Variants in CTNNA2 observed in about 807,000 individuals in gnomAD.
CTNNA2 encodes the protein catenin alpha 2, also known as catenin alpha-2.
A neutral mutation model predicts 101.0 loss-of-function variants in CTNNA2; 42 were observed. The ratio of observed to expected loss-of-function variants is 0.42; its 90% confidence interval spans 0.32 to 0.54. The LOEUF (loss-of-function observed/expected upper bound fraction) is 0.54, where lower values mean the gene tolerates loss of function less well. CTNNA2 is among the 20% of genes least tolerant of loss of function. CTNNA2 has a pLI of 0.14. For synonymous variants in CTNNA2, 450 were observed against 456.4 expected, an observed-to-expected ratio of 0.99 and a Z score of 0.18; for missense variants, 871 against 1,223.1, an observed-to-expected ratio of 0.71 and a Z score of 4.29.
intron 7 of CTNNA2, among the ~76,000 whole-genome samples, chr2:80,157,010 C>T (rs1249933043): frequency 1.3e-5 from 2 of 152,180 alleles, no homozygotes; most frequent in Non-Finnish European, 2.9e-5. Flanking sequence ...GACTTTCTGT[C>T]CCTATTTCTG....
At chr2:79,566,639 G>A (rs1353308888) in intron 1 of CTNNA2, among the ~76,000 whole-genome samples, 1 of 151,988 alleles carries the variant, frequency 6.6e-6, no homozygotes, top group Non-Finnish European at 1.5e-5. Context: ...AGATAATTAT[G>A]ATTATTTGAG....
At chr2:80,094,234 TTTTCCCAGCACC>T (rs1699992274) in intron 7 of CTNNA2, among the ~76,000 whole-genome samples, 1 of 152,076 alleles carries the variant, frequency 6.6e-6, no homozygotes, top group African/African-American at 2.4e-5. Flanking sequence ...GGCTAGCCAG[TTTTCCCAGCACC>T]ATTTATTAAA....
rs148381767 is a variant in CTNNA2, at chr2:79,282,395, T to C, written c.-405-30314T>C. ...TAGCATTAGGTATATCTCCCAGTGCTATCCCTCCCCGCTCCCCCCACCCTA... is the reference window on the plus strand; with the variant it reads ...TAGCATTAGGTATATCTCCCAGTGCCATCCCTCCCCGCTCCCCCCACCCTA... On this transcript the variant is annotated intron_variant, in intron 2 of 21. Coordinates refer to the CTNNA2 transcript ENST00000466387. 5.6e-3 allele frequency among the ~76,000 whole-genome samples: 853 copies of C among 152,262 alleles called. 12 individuals carry two copies. The highest frequency in any genetic ancestry group is 0.019 in the African/African-American group (789 of 41,548).
intron 1 of CTNNA2, chr2:79,195,839 C>G (rs1434199): frequency 0.54 from 277,022 of 510,136 alleles, 79,258 homozygotes; most frequent in African/African-American, 0.86. Context: ...ACATATCACT[C>G]AATGAAAGTT....
intron 1 of CTNNA2, among the ~76,000 whole-genome samples, chr2:79,516,348 A>G (rs1671808035): frequency 6.6e-6 from 1 of 152,210 alleles, no homozygotes. Context: ...TAAGTACTAG[A>G]GGAATTGGGA....
intron 8 of CTNNA2, among the ~76,000 whole-genome samples, chr2:80,396,610 T>C (rs1031340779): frequency 6.6e-6 from 1 of 152,234 alleles, no homozygotes; most frequent in Non-Finnish European, 1.5e-5. Flanking sequence ...CTATGAACTA[T>C]TCTAGGTATG....
intron 1 of CTNNA2, among the ~76,000 whole-genome samples, chr2:79,627,941 A>G (rs2104335385): frequency 6.6e-6 from 1 of 152,332 alleles, no homozygotes; most frequent in Non-Finnish European, 1.5e-5. Context: ...GTGCCAGCTC[A>G]TAAGTGTTGT....
At chr2:79,562,698 AGAAAT>A (rs1674854490) in intron 1 of CTNNA2, among the ~76,000 whole-genome samples, 1 of 152,142 alleles carries the variant, frequency 6.6e-6, no homozygotes, top group African/African-American at 2.4e-5. Flanking sequence ...TAGCATGAAA[AGAAAT>A]GCTTTGGGTA....
chr2:79,473,221 C>T (rs1279978961), intron 4 of CTNNA2, among the ~76,000 whole-genome samples: 1 of 152,120 alleles, frequency 6.6e-6, no homozygotes, highest in Admixed American at 6.5e-5. Context: ...CTAGCATGCA[C>T]CCGAAACTCT....
At chr2:80,634,081 T>G (rs753523944) in intron 18 of CTNNA2, among the ~76,000 whole-genome samples, 2 of 152,196 alleles carry the variant, frequency 1.3e-5, no homozygotes, top group Non-Finnish European at 2.9e-5. Flanking sequence ...CACGTCCTAT[T>G]TCCCCACCCA....
chr2:79,364,489 T>G (rs965366801), intron 3 of CTNNA2, among the ~76,000 whole-genome samples: 1 of 152,222 alleles, frequency 6.6e-6, no homozygotes, highest in Non-Finnish European at 1.5e-5. Flanking sequence ...ACTAGCATGT[T>G]GTTGGGTTTT....
At chr2:79,845,133 C>T (rs1680132731) in intron 3 of CTNNA2, among the ~76,000 whole-genome samples, 1 of 149,470 alleles carries the variant, frequency 6.7e-6, no homozygotes, top group Admixed American at 6.7e-5. Flanking sequence ...CTAAGTACCC[C>T]CTACATACTC....
chr2:79,822,535 C>T (rs1009517061), intron 3 of CTNNA2, among the ~76,000 whole-genome samples: 1 of 152,136 alleles, frequency 6.6e-6, no homozygotes, highest in Non-Finnish European at 1.5e-5. Context: ...GCATCCTCCA[C>T]ACCTTCTCCT....
intron 2 of CTNNA2, among the ~76,000 whole-genome samples, chr2:79,244,849 C>T (rs1572996641): frequency 6.6e-6 from 1 of 152,186 alleles, no homozygotes; most frequent in Non-Finnish European, 1.5e-5. Flanking sequence ...AATCCCAGCA[C>T]TTTGGGAGGC....
At chr2:79,527,474 C>CAAA (rs58822666) in intron 1 of CTNNA2, among the ~76,000 whole-genome samples, 3,459 of 85,082 alleles carry the variant, frequency 0.041, 147 homozygotes, top group East Asian at 0.32. Flanking sequence ...ACTAAAAATA[C>CAAA]AAAAAAAAAA....
At chr2:80,602,004 A>T (rs1474572560) in intron 15 of CTNNA2, 1 of 152,060 alleles carries the variant, frequency 6.6e-6, no homozygotes, top group Non-Finnish European at 1.5e-5. Context: ...CTCTGTGCGT[A>T]GCAGTGTCAT....
intron 3 of CTNNA2, among the ~76,000 whole-genome samples, chr2:79,353,639 A>G (rs1411584942): frequency 3.3e-5 from 5 of 152,088 alleles, no homozygotes; most frequent in African/African-American, 4.8e-5. Context: ...TTCTATGCCA[A>G]TTTAAGTGGG....
intron 7 of CTNNA2, among the ~76,000 whole-genome samples, chr2:80,158,491 A>G (rs75511706): frequency 2.0e-5 from 3 of 152,346 alleles, no homozygotes; most frequent in East Asian, 3.9e-4. Context: ...GACTATGTCT[A>G]TCACTACAAG....
chr2:80,078,955 G>C (rs1698940040), intron 7 of CTNNA2, among the ~76,000 whole-genome samples: 3 of 152,254 alleles, frequency 2.0e-5, no homozygotes, highest in South Asian at 4.1e-4. Flanking sequence ...TGAAAGAACT[G>C]CTGCCATGGG....
Sources: gnomAD v4.1 joint callset for allele counts (sites outside exome capture counted in the v4.1 genomes callset) on GRCh38, gnomAD v4.1.1 for gene constraint, MANE v1.5 for transcripts, NCBI Gene and HGNC (gene_info 2026-07-23, HGNC 2026-07-21) for gene names.